SLC25A42: variants seen among roughly 807,000 people sequenced by gnomAD.
SLC25A42 encodes the protein mitochondrial coenzyme A transporter SLC25A42.
SLC25A42 carries 19 observed loss-of-function variants against 34.7 expected under a neutral mutation model. That is an observed-to-expected ratio of 0.55 (90% CI 0.38 to 0.80). SLC25A42 has a LOEUF of 0.80. SLC25A42 is among the 30% of genes least tolerant of loss of function. SLC25A42 has a pLI of 0.00. For missense variants in SLC25A42, 364 were observed against 441.3 expected (o/e 0.82, Z 1.57); for synonymous variants, 205 against 191.2 (o/e 1.07, Z -0.59).
intron 1 of SLC25A42, among the ~76,000 whole-genome samples, chr19:19,079,866 C>T (rs1303257542): frequency 2.6e-5 from 4 of 152,172 alleles, no homozygotes; most frequent in Non-Finnish European, 5.9e-5. Flanking sequence ...CCACCATGAC[C>T]AACCCCATGC....
Position 19,108,043 on chromosome 19 carries a change from G to C in SLC25A42, c.647G>C (p.Arg216Thr). Residue 216 changes from arginine to threonine, a missense_variant and splice_region_variant, in exon 7 of 8, where the codon AGA (arginine) becomes ACA (threonine). Physicochemically the swap from Arg to Thr is moderately conservative, Grantham distance 71. Transcript: ENST00000318596. ...TATGAGACGCTCAAGAGCTTGCACA[G>C]AGGTAAGGAGAGCTGGGAGCATGAG... ...FTYETLKSLH[R>T]EYSGRRQPYP... 6.4e-7 allele frequency: 1 copy of C among 1,563,584 alleles called. No individual in the cohort carries two copies. The highest frequency in any genetic ancestry group is 8.7e-7 in the Non-Finnish European group (1 of 1,152,118).
At chr19:19,070,989 G>A (rs960968851) in intron 1 of SLC25A42, among the ~76,000 whole-genome samples, 8 of 93,104 alleles carry the variant, frequency 8.6e-5, no homozygotes, top group Admixed American at 1.5e-4. Flanking sequence ...AATGCATACC[G>A]TCTTTTTTTT....
chr19:19,079,244 C>G (rs2059669827), intron 1 of SLC25A42, among the ~76,000 whole-genome samples: 1 of 151,890 alleles, frequency 6.6e-6, no homozygotes, highest in Non-Finnish European at 1.5e-5. Flanking sequence ...TTAGTAGAGA[C>G]AGGGTCTCAC....
chr19:19,068,877 T>TAAA (rs3040484), intron 1 of SLC25A42, among the ~76,000 whole-genome samples: 13 of 149,910 alleles, frequency 8.7e-5, no homozygotes, highest in African/African-American at 2.0e-4. Context: ...AATAAATAAA[T>TAAA]TAGCTGGCCT....
At chr19:19,104,997 GC>G in intron 4 of SLC25A42, 59 bp downstream of exon 4, 1 of 1,599,720 alleles carries the variant, frequency 6.3e-7, no homozygotes, top group South Asian at 1.1e-5. Flanking sequence ...TGATGGGCTG[GC>G]AGGAGTTAGG....
chr19:19,103,885 CTTATTTATTTAT>C (rs3040514), intron 3 of SLC25A42, among the ~76,000 whole-genome samples: 73 of 148,480 alleles, frequency 4.9e-4, no homozygotes, highest in Non-Finnish European at 8.2e-4. Context: ...AAGGGACAGC[CTTATTTATTTAT>C]TTATTTATTT....
chr19:19,088,741 C>T (rs1242167078), intron 1 of SLC25A42, among the ~76,000 whole-genome samples: 1 of 151,892 alleles, frequency 6.6e-6, no homozygotes, highest in Non-Finnish European at 1.5e-5. Context: ...CTTGTGATCC[C>T]CCCGCTTTGG....
rs935084556 is a variant in SLC25A42 at position 19,112,975 on chromosome 19, C to T, written c.*2099C>T. On this transcript the variant is annotated 3_prime_UTR_variant, in exon 8 of 8. Coordinates refer to ENST00000318596, the MANE Select transcript of SLC25A42 (RefSeq NM_178526.5). The surrounding 1 kb of genome is among the most constrained non-coding windows in gnomAD (Gnocchi z 4.3). ...AAACAGGGTTGAAGTGCTTTTGACA[C>T]ATTTGTGATAAAAGTTCTGAATAAA... is the stretch of plus-strand genomic sequence containing the variant. 4 of 151,572 alleles carry T rather than the reference C, an allele frequency of 2.6e-5. No individual in the cohort carries two copies. Among genetic ancestry groups the T allele is most frequent in the African/African-American group, 9.8e-5 (4 of 41,018 alleles). 9.4% of individuals were successfully genotyped at this position (151,572 alleles called of 1,614,324 possible).
At chr19:19,087,419 C>G (rs1474596379) in intron 1 of SLC25A42, among the ~76,000 whole-genome samples, 1 of 152,184 alleles carries the variant, frequency 6.6e-6, no homozygotes, top group Non-Finnish European at 1.5e-5. Context: ...TCCCGAGTAG[C>G]TGGGATTATA....
intron 7 of SLC25A42, 89 bp downstream of exon 7, chr19:19,108,134 C>T (rs1235480332): frequency 3.5e-6 from 5 of 1,449,126 alleles, no homozygotes; most frequent in Non-Finnish European, 4.6e-6. Flanking sequence ...GACCTGGAGA[C>T]CAGGCGGAGT....
chr19:19,083,325 G>A (rs1382757752), intron 1 of SLC25A42, among the ~76,000 whole-genome samples: 1 of 152,164 alleles, frequency 6.6e-6, no homozygotes, highest in Non-Finnish European at 1.5e-5. Flanking sequence ...CCCATCTCAA[G>A]ACCCTTAACT....
intron 1 of SLC25A42, among the ~76,000 whole-genome samples, chr19:19,084,534 G>C (rs7256648): frequency 0.81 from 123,189 of 152,162 alleles, 50,078 homozygotes; most frequent in East Asian, 0.89. Context: ...ATAAATGGGG[G>C]AGGAGAGACA....
At chr19:19,104,531 T>G (rs2059815588) in intron 3 of SLC25A42, among the ~76,000 whole-genome samples, 1 of 152,162 alleles carries the variant, frequency 6.6e-6, no homozygotes, top group Non-Finnish European at 1.5e-5. Flanking sequence ...GTGCCTGTGC[T>G]GGGACCCTGG....
chr19:19,090,561 CA>C (rs1465455266), intron 1 of SLC25A42, among the ~76,000 whole-genome samples: 4 of 152,130 alleles, frequency 2.6e-5, no homozygotes, highest in African/African-American at 9.7e-5. Flanking sequence ...GGCACCGTGG[CA>C]CACACCTGTA....
chr19:19,097,173 C>T (rs571834629), intron 2 of SLC25A42, among the ~76,000 whole-genome samples: 4 of 152,198 alleles, frequency 2.6e-5, no homozygotes, highest in Non-Finnish European at 4.4e-5. Flanking sequence ...CAGAAATCAT[C>T]GCACTCCCAG....
chr19:19,110,607 A>G lies in SLC25A42; in HGVS notation c.688A>G (p.Met230Val). 6.7e-7 allele frequency: 1 copy of G among 1,495,712 alleles called. No homozygotes were observed. Among genetic ancestry groups the G allele is most frequent in the Non-Finnish European group, 8.9e-7 (1 of 1,126,352 alleles). 92.7% of individuals were successfully genotyped at this position (1,495,712 alleles called of 1,614,324 possible). A position where few individuals can be genotyped will look rare whatever the true frequency, so the allele number is the denominator to read the frequency against. Reference protein sequence around the residue: ...GRRQPYPFERMIFGACAGLIG... With the variant: ...GRRQPYPFERVIFGACAGLIG... The stretch of plus-strand genomic sequence containing the variant: ...CCGGCAGCCCTACCCCTTCGAGCGC[A>G]TGATCTTCGGCGCCTGCGCTGGCCT... The change falls in exon 8 of 8, where the codon ATG becomes GTG. Residue 230 changes from methionine to valine, a missense_variant. Transcript: ENST00000318596.
Position 19,081,033 on chromosome 19 carries a change from C to G in SLC25A42, c.-34-15058C>G, listed in dbSNP as rs1208240509. On this transcript the variant is annotated intron_variant, in intron 1 of 7. Coordinates refer to ENST00000318596, the MANE Select transcript of SLC25A42 (RefSeq NM_178526.5). The surrounding 1 kb of genome is among the most constrained non-coding windows in gnomAD (Gnocchi z 4.5). ...AACTGAGGCAGGAGTTTGGGGAATC[C>G]CTTGAGCCCAGGAGTTTGAAGTTAC... Among the ~76,000 whole-genome samples, 1 of 151,284 alleles carries G rather than the reference C, an allele frequency of 6.6e-6. No individual in the cohort carries two copies. Among genetic ancestry groups the G allele is most frequent in the Non-Finnish European group, 1.5e-5 (1 of 67,794 alleles).
At position 19,090,902 on chromosome 19, in the gene SLC25A42, C is replaced by T. The variant is rs537735185; in HGVS notation, c.-34-5189C>T. On this transcript the variant is annotated intron_variant, in intron 1 of 7. Coordinates refer to ENST00000318596, the MANE Select transcript of SLC25A42 (RefSeq NM_178526.5). Reference sequence around the variant, plus strand: ...GGTCATATTTTAGGCTATTATGTCCCGAACCCCATCCCTTGTTCTCACTGT... The same window carrying T: ...GGTCATATTTTAGGCTATTATGTCCTGAACCCCATCCCTTGTTCTCACTGT... 1.7e-4 allele frequency among the ~76,000 whole-genome samples: 26 copies of T among 152,324 alleles called. 1 individual carries two copies. The South Asian group carries it at 5.2e-3, about 30-fold the overall frequency.
intron 2 of SLC25A42, among the ~76,000 whole-genome samples, chr19:19,100,890 T>C (rs537175682): frequency 7.1e-4 from 108 of 152,300 alleles, no homozygotes; most frequent in African/African-American, 2.5e-3. Context: ...CAGCAAAGCA[T>C]TGCAGGCTGA....
Sources: allele counts gnomAD v4.1 joint callset (sites outside exome capture counted in the v4.1 genomes callset), GRCh38; gene constraint gnomAD v4.1.1; non-coding constraint Gnocchi (gnomAD v3.1); transcripts MANE v1.5; gene names NCBI Gene and HGNC (gene_info 2026-07-23, HGNC 2026-07-21).